The following CRNKL1 variants were observed in gnomAD, a reference collection of about 807,000 sequenced individuals.
CRNKL1 encodes the protein crooked neck pre-mRNA splicing factor 1.
CRNKL1 carries 35 observed loss-of-function variants against 103.7 expected under a neutral mutation model. The ratio of observed to expected loss-of-function variants is 0.34; its 90% CI spans 0.26 to 0.45. CRNKL1 has a LOEUF of 0.45. Ranked by LOEUF, CRNKL1 falls within the 20% of genes least tolerant of loss-of-function variation. CRNKL1 has a pLI of 1.00. For synonymous variants in CRNKL1, 267 were observed against 282.6 expected (o/e 0.94, Z 0.55); for missense variants, 645 against 836.0 (o/e 0.77, Z 2.82).
intron 5 of CRNKL1, among the ~76,000 whole-genome samples, 159 bp downstream of exon 5, chr20:20,047,606 T>C (rs1351238028): frequency 2.0e-5 from 3 of 151,678 alleles, no homozygotes; most frequent in Non-Finnish European, 4.4e-5. Context: ...TTCTGACCAA[T>C]CTCTTTCCCT....
upstream of CRNKL1, chr20:20,052,681 A>T: frequency 6.2e-7 from 1 of 1,613,028 alleles, no homozygotes; most frequent in South Asian, 1.1e-5. Context: ...CGGAACTGGG[A>T]TGACCAGGCG....
intron 10 of CRNKL1, 77 bp from the exon 11 acceptor site, chr20:20,039,925 C>T: frequency 7.0e-7 from 1 of 1,430,192 alleles, no homozygotes; most frequent in Non-Finnish European, 9.5e-7. Flanking sequence ...GCCCTAGAGG[C>T]TGTTCTCTGC....
intron 10 of CRNKL1, among the ~76,000 whole-genome samples, chr20:20,040,223 G>T (rs1273749757): frequency 6.6e-6 from 1 of 151,284 alleles, no homozygotes; most frequent in East Asian, 1.9e-4. Context: ...AACATGGGAG[G>T]ATCATTTCCG....
chr20:20,053,310 T>C (rs1056734801), upstream of CRNKL1, among the ~76,000 whole-genome samples: 2 of 152,228 alleles, frequency 1.3e-5, no homozygotes. Context: ...ATTTCCTCCC[T>C]CCACAGCTTC....
Position 20,050,609 on chromosome 20 carries a change from G to T in CRNKL1, c.65C>A (p.Ala22Asp). The T allele has an allele frequency of 4.4e-6, 7 of 1,601,702 alleles. No homozygotes were observed. The highest frequency in any genetic ancestry group is 6.0e-6 in the Non-Finnish European group (7 of 1,176,078). Reference protein sequence around the residue: ...IPKVAKVKNKAPAEVQITAEQ... With the variant: ...IPKVAKVKNKDPAEVQITAEQ... ...AGCAGTTATCTGTACCTCAGCCGGG[G>T]CTTTGTTTTTCACCTTTTAAGAAAG... The change falls in exon 2 of 14, where the codon GCC (alanine) becomes GAC (aspartate). Residue 22 changes from alanine to aspartate, a missense_variant. By Grantham distance (126) the Ala-to-Asp change is moderately radical. Coordinates refer to ENST00000536226, the MANE Select transcript of CRNKL1 (RefSeq NM_001278628.2).
intron 1 of CRNKL1, among the ~76,000 whole-genome samples, chr20:20,051,501 G>A (rs765193233): frequency 5.3e-5 from 8 of 152,226 alleles, no homozygotes; most frequent in Non-Finnish European, 5.9e-5. Context: ...AATGCCACAT[G>A]TGGAGTAATG....
At chr20:20,054,009 G>T (rs6136929), upstream of CRNKL1, among the ~76,000 whole-genome samples, 3,161 of 87,620 alleles carry the variant, frequency 0.036, 55 homozygotes, top group Non-Finnish European at 0.053. Context: ...TGTTTTTTTT[G>T]TTTGTTTTTT....
rs189237007 is a variant in CRNKL1, at chr20:20,037,628, G to T, written c.1648-57C>A. On this transcript the variant is annotated intron_variant, in intron 12 of 13. Coordinates refer to ENST00000536226, the MANE Select transcript of CRNKL1 (RefSeq NM_001278628.2). ...ACCATATCACTCAGAAGATAATAAT[G>T]TAGTAATAATAAAGCGAATTCCCAG... The T allele has an allele frequency of 3.7e-5, 57 of 1,537,936 alleles. No individual in the cohort carries two copies. In the East Asian group the frequency reaches 6.6e-4, roughly 18 times the overall value.
At position 20,052,381 on chromosome 20, in the gene CRNKL1, C is replaced by G. The variant is rs916636693; in HGVS notation, c.-39G>C. On this transcript the variant is annotated 5_prime_UTR_variant, in exon 1 of 14. Coordinates refer to ENST00000536226, the MANE Select transcript of CRNKL1 (RefSeq NM_001278628.2). ...GACCTCTGGACACCTGTCCCCGGCA[C>G]GGACGCTAGAAATCGGCTCTGAGAG... is the stretch of plus-strand genomic sequence containing the variant. The G allele has an allele frequency of 6.2e-7, 1 of 1,614,204 alleles. No individual in the cohort carries two copies. The highest frequency in any genetic ancestry group is 8.5e-7 in the Non-Finnish European group (1 of 1,180,048).
chr20:20,045,368 A>G lies in CRNKL1; in HGVS notation c.741T>C (p.Asp247=), dbSNP rs375658988. The G allele has an allele frequency of 6.2e-7, 1 of 1,613,798 alleles. No homozygotes were observed. The highest frequency in any genetic ancestry group is 1.3e-5 in the African/African-American group (1 of 74,876). ...VYERAVEFFG[D]EHMDEHLYVA... ...CATAAAGGTGCTCATCCATATGTTCATCTCCAAAGAATTCCACAGCTCTCT... is the reference window on the plus strand; with the variant it reads ...CATAAAGGTGCTCATCCATATGTTCGTCTCCAAAGAATTCCACAGCTCTCT... Residue 247 remains aspartate (D), a synonymous_variant, in exon 6 of 14, where the codon GAT becomes GAC. Coordinates refer to ENST00000536226, the MANE Select transcript of CRNKL1 (RefSeq NM_001278628.2).
chr20:20,043,400 G>A, intron 7 of CRNKL1, 92 bp downstream of exon 7: 2 of 1,227,578 alleles, frequency 1.6e-6, no homozygotes, highest in South Asian at 1.4e-5. Flanking sequence ...ATCACTAGTA[G>A]TGCTACTTGC....
At chr20:20,050,005 T>TG (rs2043660402) in intron 2 of CRNKL1, among the ~76,000 whole-genome samples, 2 of 152,076 alleles carry the variant, frequency 1.3e-5, no homozygotes, top group South Asian at 2.1e-4. Context: ...TTAGTAGAGA[T>TG]GGGGTTTCAC....
intron 5 of CRNKL1, 137 bp from the exon 6 acceptor site, chr20:20,045,623 A>C: frequency 1.4e-6 from 1 of 706,760 alleles, no homozygotes; most frequent in Non-Finnish European, 2.3e-6. Context: ...AAACACATAC[A>C]AAAGTGTAGA....
At chr20:20,043,132 G>T (rs1439884091) in intron 7 of CRNKL1, among the ~76,000 whole-genome samples, 1 of 152,190 alleles carries the variant, frequency 6.6e-6, no homozygotes, top group African/African-American at 2.4e-5. Context: ...AGGCAGTTAA[G>T]CTCAAAGGTG....
At chr20:20,046,866 C>T (rs1187084865) in intron 5 of CRNKL1, among the ~76,000 whole-genome samples, 1 of 152,182 alleles carries the variant, frequency 6.6e-6, no homozygotes, top group African/African-American at 2.4e-5. Context: ...GTGAAAGTGC[C>T]ACAATTACTG....
At position 20,050,538 on chromosome 20, in the gene CRNKL1, G is replaced by A. The variant is rs1326588901; in HGVS notation, c.136C>T (p.Pro46Ser). The A allele has an allele frequency of 2.5e-6, 4 of 1,613,656 alleles. No individual in the cohort carries two copies. In the South Asian group the frequency reaches 4.4e-5, roughly 18 times the overall value. ...EAKERELELL[P>S]PPPQQKITDE... ...GTGATCTTCTGTTGAGGTGGAGGTG[G>A]AAGAAGCTCAAGTTCTCTTTCTTTA... is the stretch of plus-strand genomic sequence containing the variant. Residue 46 changes from proline (P) to serine (S), a missense_variant, in exon 2 of 14, where the codon CCA becomes TCA. This residue lies in a region of CRNKL1 where 63 missense variants were observed against 128.3 expected (regional missense o/e 0.49). Transcript: ENST00000536226.
At chr20:20,052,895 T>G, upstream of CRNKL1, 1 of 630,452 alleles carries the variant, frequency 1.6e-6, no homozygotes, top group Non-Finnish European at 2.7e-6. Context: ...CCCTCGTTTC[T>G]GGTTTCGGGA....
Position 20,042,315 on chromosome 20 carries a change from G to GT in CRNKL1, c.1164+9dup, listed in dbSNP as rs778626383. 7 of 1,581,700 alleles carry GT rather than the reference G, an allele frequency of 4.4e-6. No individual in the cohort carries two copies. Among genetic ancestry groups the GT allele is most frequent in the Non-Finnish European group, 6.0e-6 (7 of 1,163,768 alleles). On this transcript the variant is annotated intron_variant, in intron 8 of 13. Coordinates refer to ENST00000536226, the MANE Select transcript of CRNKL1 (RefSeq NM_001278628.2). ...CCATTATCAGCTGACACATAATTCT[G>GT]TTTTTTCACCTTTGCCTCCAATTCT... is the stretch of plus-strand genomic sequence containing the variant.
At position 20,052,407 on chromosome 20, in the gene CRNKL1, C is replaced by T. The variant is rs143884554; in HGVS notation, c.-65G>A. 1 of 1,614,256 alleles carries T rather than the reference C, an allele frequency of 6.2e-7. No homozygotes were observed. The highest frequency in any genetic ancestry group is 8.5e-7 in the Non-Finnish European group (1 of 1,180,056). On this transcript the variant is annotated 5_prime_UTR_variant, in exon 1 of 14. Transcript: ENST00000536226. ...GGACGCTAGAAATCGGCTCTGAGAG[C>T]TCACCGAAACCACAAAGCTTTCAGA...
Sources: allele counts gnomAD v4.1 joint callset (sites outside exome capture counted in the v4.1 genomes callset), GRCh38; gene constraint gnomAD v4.1.1; regional missense constraint gnomAD v4.1.1; transcripts MANE v1.5; gene names NCBI Gene and HGNC (gene_info 2026-07-23, HGNC 2026-07-21).